Variants in RAMP1 observed in about 807,000 individuals in gnomAD.
RAMP1 encodes receptor activity-modifying protein 1.
RAMP1 carries 7 observed loss-of-function variants against 8.2 expected under a neutral mutation model. That is an observed-to-expected ratio of 0.85 (90% confidence interval 0.49 to 1.60). The LOEUF is 1.60. RAMP1 is among the 40% of genes most tolerant of loss of function. RAMP1 has a pLI of 0.00. For missense variants in RAMP1, 192 were observed against 202.4 expected (o/e 0.95, Z 0.31); for synonymous variants, 92 against 84.7 (o/e 1.09, Z -0.47).
chr2:237,877,117 A>T lies in RAMP1; in HGVS notation c.53-107A>T, dbSNP rs986599298. 1 of 1,440,014 alleles carries T rather than the reference A, an allele frequency of 6.9e-7. No homozygotes were observed. 89.2% of individuals were successfully genotyped at this position (1,440,014 alleles called of 1,614,324 possible). ...GTCGCCCTCTCCAGGGGTTGCTTAG[A>T]GGCCCCGTTCTCGTGGAGTCCGGGC... On this transcript the variant is annotated intron_variant, in intron 1 of 2. Transcript: ENST00000254661. The surrounding 1 kb of genome is among the most constrained non-coding windows in gnomAD (Gnocchi z 4.4).
At chr2:237,896,830 G>A (rs1193027986) in intron 2 of RAMP1, among the ~76,000 whole-genome samples, 1 of 152,096 alleles carries the variant, frequency 6.6e-6, no homozygotes, top group East Asian at 1.9e-4. Flanking sequence ...ACTTTGTGTA[G>A]AGATGGGGGA....
chr2:237,861,064 T>C (rs746338535), intron 1 of RAMP1, among the ~76,000 whole-genome samples: 21 of 152,240 alleles, frequency 1.4e-4, no homozygotes, highest in Non-Finnish European at 7.3e-5. Context: ...CATTTCTTTG[T>C]TAGCAAGGCA....
chr2:237,859,833 C>A, intron 1 of RAMP1, 106 bp downstream of exon 1: 2 of 1,021,432 alleles, frequency 2.0e-6, no homozygotes, highest in Non-Finnish European at 2.6e-6. Flanking sequence ...CGGGTGGGGG[C>A]GGGCGCCGCG....
chr2:237,884,825 G>A (rs1344400363), intron 2 of RAMP1, among the ~76,000 whole-genome samples: 2 of 152,208 alleles, frequency 1.3e-5, no homozygotes, highest in Non-Finnish European at 2.9e-5. Context: ...GGCTGTCACT[G>A]CGGACCCTGC....
intron 1 of RAMP1, among the ~76,000 whole-genome samples, chr2:237,861,324 G>A (rs2062131065): frequency 6.6e-6 from 1 of 152,148 alleles, no homozygotes; most frequent in Non-Finnish European, 1.5e-5. Context: ...AAAACTTTAT[G>A]AGGTTATCAG....
rs1305324201 is a variant in RAMP1, at chr2:237,885,320, G to GCCCTGCCCGCCGCCTGC, written c.191+7968_191+7984dup. 1.4e-4 allele frequency among the ~76,000 whole-genome samples: 21 copies of GCCCTGCCCGCCGCCTGC among 152,306 alleles called. No individual in the cohort carries two copies. In the South Asian group the frequency reaches 3.7e-3, roughly 27 times the overall value. On this transcript the variant is annotated intron_variant, in intron 2 of 2. Coordinates refer to ENST00000254661, the MANE Select transcript of RAMP1 (RefSeq NM_005855.4). ...GGTCTCGGGATGGGCTGTTCACAGA[G>GCCCTGCCCGCCGCCTGC]CCCTGCCCGCCGCCTGCCCCTGCCC... is the stretch of plus-strand genomic sequence containing the variant.
At chr2:237,889,165 C>T (rs1425059482) in intron 2 of RAMP1, among the ~76,000 whole-genome samples, 1 of 152,162 alleles carries the variant, frequency 6.6e-6, no homozygotes, top group East Asian at 1.9e-4. Context: ...TCCACACTGT[C>T]GTTCATTAGC....
At chr2:237,887,635 T>C (rs2062446941) in intron 2 of RAMP1, among the ~76,000 whole-genome samples, 1 of 152,166 alleles carries the variant, frequency 6.6e-6, no homozygotes, top group Admixed American at 6.5e-5. Flanking sequence ...CATTTCCTGG[T>C]TTTTGCTATT....
intron 1 of RAMP1, among the ~76,000 whole-genome samples, chr2:237,864,749 C>T (rs1559934243): frequency 6.6e-6 from 1 of 152,232 alleles, no homozygotes; most frequent in South Asian, 2.1e-4. Flanking sequence ...GGCAGCCCTG[C>T]TGCATGTCAA....
chr2:237,860,548 C>T (rs1173087105), intron 1 of RAMP1, among the ~76,000 whole-genome samples: 3 of 152,208 alleles, frequency 2.0e-5, no homozygotes, highest in African/African-American at 4.8e-5. Context: ...AAAATGCTAA[C>T]TCAAGCCCCT....
intron 2 of RAMP1, among the ~76,000 whole-genome samples, chr2:237,910,967 T>A (rs2062706463): frequency 6.7e-6 from 1 of 148,926 alleles, no homozygotes; most frequent in African/African-American, 2.5e-5. Flanking sequence ...TCACACACAG[T>A]GAATAATAGT....
At chr2:237,901,859 A>AGAC (rs1328811360) in intron 2 of RAMP1, among the ~76,000 whole-genome samples, 1 of 36,040 alleles carries the variant, frequency 2.8e-5, no homozygotes, top group Non-Finnish European at 6.6e-5. Flanking sequence ...AAGCCCCCAC[A>AGAC]TACTCACTAC....
intron 1 of RAMP1, among the ~76,000 whole-genome samples, chr2:237,866,442 A>G (rs564402963): frequency 2.0e-5 from 3 of 151,804 alleles, no homozygotes; most frequent in African/African-American, 4.8e-5. Flanking sequence ...CCTCTTAACA[A>G]TTTTCCCTGT....
chr2:237,880,567 A>G (rs2062358144), intron 2 of RAMP1, among the ~76,000 whole-genome samples: 1 of 152,194 alleles, frequency 6.6e-6, no homozygotes, highest in Admixed American at 6.5e-5. Flanking sequence ...TGCTAGAAGA[A>G]AACATGGGTG....
chr2:237,907,360 T>C (rs1362041682), intron 2 of RAMP1, among the ~76,000 whole-genome samples: 5 of 152,216 alleles, frequency 3.3e-5, no homozygotes, highest in Admixed American at 1.3e-4. Context: ...TTTCATTATT[T>C]TTTTAAAAGC....
chr2:237,898,580 TCAAA>T (rs1413573388), intron 2 of RAMP1, among the ~76,000 whole-genome samples: 1 of 152,160 alleles, frequency 6.6e-6, no homozygotes, highest in Non-Finnish European at 1.5e-5. Flanking sequence ...GTGCTTTTCA[TCAAA>T]CAGTTAACAA....
At chr2:237,860,344 T>G (rs888617133) in intron 1 of RAMP1, among the ~76,000 whole-genome samples, 1 of 152,224 alleles carries the variant, frequency 6.6e-6, no homozygotes, top group African/African-American at 2.4e-5. Flanking sequence ...TCTTTTGGTT[T>G]GCTTGTTAAC....
At position 237,911,507 on chromosome 2, in the gene RAMP1, C is replaced by T. The variant is rs370467957; in HGVS notation, c.192-21C>T. 4.4e-5 allele frequency: 71 copies of T among 1,612,374 alleles called. No individual in the cohort carries two copies. The African/African-American group carries it at 8.4e-4, about 19-fold the overall frequency. On this transcript the variant is annotated intron_variant, in intron 2 of 2. Transcript: ENST00000254661. Reference sequence around the variant, plus strand: ...ATCCCCCGCCTGCCCAGGGTCTTACCACCTCCTCTTCCATCCGCAGGAGCT... The same window carrying T: ...ATCCCCCGCCTGCCCAGGGTCTTACTACCTCCTCTTCCATCCGCAGGAGCT...
chr2:237,883,208 G>T (rs1387561605), intron 2 of RAMP1, among the ~76,000 whole-genome samples: 1 of 152,188 alleles, frequency 6.6e-6, no homozygotes, highest in African/African-American at 2.4e-5. Flanking sequence ...CTGTCCCAGG[G>T]CCCTGGGCTG....
Sources: gnomAD v4.1 joint callset for allele counts (sites outside exome capture counted in the v4.1 genomes callset) on GRCh38, gnomAD v4.1.1 for gene constraint, Gnocchi (gnomAD v3.1) non-coding constraint, MANE v1.5 for transcripts, NCBI Gene and HGNC (gene_info 2026-07-23, HGNC 2026-07-21) for gene names.